The following RAD51B variants were observed in gnomAD, a reference collection of about 807,000 sequenced individuals.
The protein encoded by RAD51B is DNA repair protein RAD51 homolog 2.
Under a neutral mutation model 42.2 loss-of-function variants are expected in RAD51B, and 38 were observed. The observed-to-expected ratio is 0.90, with a 90% CI of 0.70 to 1.18. The LOEUF (loss-of-function observed/expected upper bound fraction) is 1.18, where lower values mean the gene tolerates loss of function less well. Ranked by LOEUF, RAD51B falls within the 50% of genes most tolerant of loss-of-function variation. The probability of loss-of-function intolerance (pLI) is 0.00; values close to 1 mark genes in which losing one functional copy is unlikely to be tolerated. For missense variants in RAD51B, 373 were observed against 400.7 expected (o/e 0.93, Z 0.59); for synonymous variants, 154 against 145.2 (o/e 1.06, Z -0.43).
chr14:68,658,903 A>C (rs1595051106), intron 11 of RAD51B, among the ~76,000 whole-genome samples: 2 of 152,360 alleles, frequency 1.3e-5, no homozygotes, highest in African/African-American at 4.8e-5. Context: ...GTCTAAAGCC[A>C]CACAGCTCCC....
intron 5 of RAD51B, among the ~76,000 whole-genome samples, chr14:67,881,092 TA>T (rs2042892145): frequency 6.6e-6 from 1 of 152,222 alleles, no homozygotes; most frequent in Non-Finnish European, 1.5e-5. Flanking sequence ...AATAGGCAAT[TA>T]CAACACAATG....
At chr14:67,908,139 G>A (rs1444783726) in intron 7 of RAD51B, among the ~76,000 whole-genome samples, 2 of 152,124 alleles carry the variant, frequency 1.3e-5, no homozygotes, top group East Asian at 3.8e-4. Context: ...CAACTTTGAG[G>A]ATACATAGGA....
chr14:67,941,610 C>T (rs932528507), intron 7 of RAD51B, among the ~76,000 whole-genome samples: 3 of 152,170 alleles, frequency 2.0e-5, no homozygotes, highest in Non-Finnish European at 4.4e-5. Flanking sequence ...AAAGTTGACT[C>T]TGAGAATGCC....
chr14:68,199,457 A>G (rs1166957936), intron 7 of RAD51B, among the ~76,000 whole-genome samples: 1 of 152,196 alleles, frequency 6.6e-6, no homozygotes, highest in Non-Finnish European at 1.5e-5. Flanking sequence ...TGTTCATGTA[A>G]TAGAGTTTAC....
At chr14:68,471,237 T>C (rs1317854569) in intron 10 of RAD51B, among the ~76,000 whole-genome samples, 4 of 152,084 alleles carry the variant, frequency 2.6e-5, no homozygotes, top group Non-Finnish European at 5.9e-5. Flanking sequence ...TGGCCGACAT[T>C]CGGTCTTCAA....
intron 7 of RAD51B, among the ~76,000 whole-genome samples, chr14:68,280,796 G>A (rs559379607): frequency 1.1e-3 from 172 of 152,326 alleles, no homozygotes; most frequent in African/African-American, 4.0e-3. Flanking sequence ...GCTCACACCT[G>A]TAAACCCAGC....
chr14:68,045,366 C>T (rs2076285053), intron 7 of RAD51B, among the ~76,000 whole-genome samples: 1 of 149,820 alleles, frequency 6.7e-6, no homozygotes, highest in African/African-American at 2.5e-5. Context: ...TTGTTTCATA[C>T]TTCTTATCTC....
intron 10 of RAD51B, among the ~76,000 whole-genome samples, chr14:68,516,636 G>T (rs1048687436): frequency 6.6e-6 from 1 of 152,162 alleles, no homozygotes; most frequent in Admixed American, 6.5e-5. Flanking sequence ...TTGCAATGTG[G>T]AATCTGAAAC....
At chr14:68,105,163 G>C (rs2077356272) in intron 7 of RAD51B, among the ~76,000 whole-genome samples, 1 of 151,164 alleles carries the variant, frequency 6.6e-6, no homozygotes. Context: ...GGTCTATTCG[G>C]AGATAGCAAT....
intron 7 of RAD51B, among the ~76,000 whole-genome samples, chr14:67,916,722 G>A (rs185568188): frequency 6.6e-6 from 1 of 152,270 alleles, no homozygotes; most frequent in Admixed American, 6.5e-5. Context: ...TTTTAGATGT[G>A]AGACAAGTTA....
intron 7 of RAD51B, among the ~76,000 whole-genome samples, chr14:67,928,633 A>T (rs747715951): frequency 6.6e-6 from 1 of 152,094 alleles, no homozygotes; most frequent in Non-Finnish European, 1.5e-5. Flanking sequence ...TTGTGGTGAC[A>T]AGGAGAAGAG....
intron 10 of RAD51B, among the ~76,000 whole-genome samples, chr14:68,521,404 G>A (rs1886569686): frequency 6.6e-6 from 1 of 152,146 alleles, no homozygotes; most frequent in African/African-American, 2.4e-5. Flanking sequence ...CCATGTCTTG[G>A]ACAGTGCTTC....
chr14:68,272,004 A>G (rs2139588132), intron 7 of RAD51B, among the ~76,000 whole-genome samples: 1 of 152,358 alleles, frequency 6.6e-6, no homozygotes, highest in Non-Finnish European at 1.5e-5. Context: ...CAACTCGAAA[A>G]TGAAACAGCA....
intron 8 of RAD51B, among the ~76,000 whole-genome samples, chr14:68,321,291 G>T (rs538576417): frequency 6.6e-6 from 1 of 152,200 alleles, no homozygotes; most frequent in South Asian, 2.1e-4. Flanking sequence ...CAGCCCAGTC[G>T]CCCACTCCCC....
intron 8 of RAD51B, among the ~76,000 whole-genome samples, chr14:68,301,673 T>G (rs1321403848): frequency 6.8e-6 from 1 of 146,114 alleles, no homozygotes; most frequent in Non-Finnish European, 1.5e-5. Flanking sequence ...CTCCACTCAC[T>G]GCAACCTCCA....
intron 7 of RAD51B, among the ~76,000 whole-genome samples, chr14:68,239,063 A>G (rs2080327817): frequency 6.6e-6 from 1 of 152,210 alleles, no homozygotes; most frequent in Admixed American, 6.5e-5. Context: ...ATAATGCGCT[A>G]TACTGGTTAC....
At chr14:68,291,849 C>G (rs747451723) in intron 7 of RAD51B, 35 bp from the exon 8 acceptor site, 1 of 1,518,732 alleles carries the variant, frequency 6.6e-7, no homozygotes, top group Non-Finnish European at 9.1e-7. Flanking sequence ...TTTCTTCTCC[C>G]TTGCCCCCTA....
At chr14:68,420,360 A>C (rs1052986645) in intron 9 of RAD51B, among the ~76,000 whole-genome samples, 9 of 152,228 alleles carry the variant, frequency 5.9e-5, no homozygotes, top group Non-Finnish European at 1.0e-4. Flanking sequence ...AAGTTTATTA[A>C]GAAAGTAAAG....
chr14:68,573,142 A>C (rs1889794387), intron 10 of RAD51B, among the ~76,000 whole-genome samples: 1 of 152,154 alleles, frequency 6.6e-6, no homozygotes, highest in African/African-American at 2.4e-5. Flanking sequence ...ACAATGGATC[A>C]TGTCCTCCAC....
Sources: gnomAD v4.1 joint callset for allele counts (sites outside exome capture counted in the v4.1 genomes callset) on GRCh38, gnomAD v4.1.1 for gene constraint, MANE v1.5 for transcripts, NCBI Gene and HGNC (gene_info 2026-07-23, HGNC 2026-07-21) for gene names.